LMO2: variants seen among roughly 807,000 people sequenced by gnomAD.
The protein encoded by LMO2 is rhombotin-2.
Under a neutral mutation model 23.2 loss-of-function variants are expected in LMO2, and 20 were observed. That is an observed-to-expected ratio of 0.86 (90% confidence interval 0.61 to 1.25). The LOEUF is 1.25. Among genes scored for constraint, LMO2 ranks in the 50% most tolerant of loss-of-function variants. The probability of loss-of-function intolerance (pLI) is 0.00; values close to 1 mark genes in which losing one functional copy is unlikely to be tolerated. For missense variants in LMO2, 270 were observed against 315.3 expected (o/e 0.86, Z 1.09); for synonymous variants, 123 against 130.2 (o/e 0.94, Z 0.38).
intron 3 of LMO2, 26 bp downstream of exon 3, chr11:33,869,684 G>C (rs1450705702): frequency 7.9e-7 from 1 of 1,262,680 alleles, no homozygotes; most frequent in Non-Finnish European, 1.0e-6. Flanking sequence ...GGCGGCTGCA[G>C]CTGCTGCTGC....
At chr11:33,890,631 C>T (rs920956422) in intron 1 of LMO2, among the ~76,000 whole-genome samples, 4 of 152,138 alleles carry the variant, frequency 2.6e-5, no homozygotes, top group Non-Finnish European at 4.4e-5. Flanking sequence ...AGATTACAGG[C>T]GTTAGCCAAT....
intron 1 of LMO2, among the ~76,000 whole-genome samples, chr11:33,882,096 G>T (rs1419801311): frequency 1.3e-5 from 2 of 152,188 alleles, no homozygotes; most frequent in African/African-American, 4.8e-5. Context: ...GCATCAGGGC[G>T]CAGGGATGGA....
rs1368713606 is a variant in LMO2, at chr11:33,859,385, C to T, written c.655G>A (p.Glu219Lys). The change falls in exon 6 of 6, where the codon GAG becomes AAG. Residue 219 changes from glutamate (E) to lysine (K), a missense_variant. Physicochemically the swap from Glu to Lys is moderately conservative, Grantham distance 56. Around this residue, in one of 2 missense-constraint regions of LMO2, gnomAD observed 100 missense variants for 153.3 expected, o/e 0.65. Coordinates refer to ENST00000257818, the MANE Select transcript of LMO2 (RefSeq NM_005574.4). ...ATCATCCCATTGATCTTAGTCCACTCGTAGATGTCCTGTTCGCACACTATG... is the reference window on the plus strand; with the variant it reads ...ATCATCCCATTGATCTTAGTCCACTTGTAGATGTCCTGTTCGCACACTATG... ...SDIVCEQDIYEWTKINGMI is the reference protein window; with the variant it reads ...SDIVCEQDIYKWTKINGMI The T allele has an allele frequency of 5.0e-6, 8 of 1,614,038 alleles. No homozygotes were observed. Among genetic ancestry groups the T allele is most frequent in the Admixed American group, 1.7e-5 (1 of 60,012 alleles).
At chr11:33,881,012 A>G in intron 2 of LMO2, 1 of 352,494 alleles carries the variant, frequency 2.8e-6, no homozygotes, top group South Asian at 2.1e-5. Flanking sequence ...GCAAAGCCAC[A>G]GCATTAAGGA....
chr11:33,860,691 G>A (rs1856538627), intron 5 of LMO2, among the ~76,000 whole-genome samples: 1 of 152,118 alleles, frequency 6.6e-6, no homozygotes, highest in African/African-American at 2.4e-5. Flanking sequence ...GATGGCTTTA[G>A]CCCGGGAGGT....
intron 1 of LMO2, among the ~76,000 whole-genome samples, chr11:33,882,230 C>T (rs550084137): frequency 3.9e-5 from 6 of 152,226 alleles, no homozygotes; most frequent in Non-Finnish European, 7.4e-5. Context: ...TCCAAATGAA[C>T]AGGACTGGTG....
chr11:33,882,878 C>A (rs1479155355), intron 1 of LMO2, among the ~76,000 whole-genome samples: 1 of 152,070 alleles, frequency 6.6e-6, no homozygotes, highest in African/African-American at 2.4e-5. Flanking sequence ...CTGACTATGC[C>A]CTCACCTCAT....
chr11:33,871,937 G>T (rs983104828), intron 2 of LMO2, among the ~76,000 whole-genome samples: 24 of 152,110 alleles, frequency 1.6e-4, no homozygotes, highest in Non-Finnish European at 3.4e-4. Flanking sequence ...TTGACCAGCT[G>T]TGTCAACCTG....
In LMO2 at chr11:33,880,160, TAC is replaced by T. The variant is rs1247016410; in HGVS notation, c.-272+1662_-272+1663del. Among the ~76,000 whole-genome samples the T allele has an allele frequency of 8.2e-5, 12 of 146,236 alleles. 1 individual carries two copies. Among genetic ancestry groups the T allele is most frequent in the Non-Finnish European group, 1.2e-4 (8 of 65,402 alleles). ...ATACTATTTTATGTGTACATATATA[TAC>T]ATATGATATATACACATGATATATA... On this transcript the variant is annotated intron_variant, in intron 2 of 5. Coordinates refer to ENST00000257818, the MANE Select transcript of LMO2 (RefSeq NM_005574.4). This position sits in a 1 kb window ranked among gnomAD's most constrained non-coding sequence, Gnocchi z 4.3.
intron 5 of LMO2, among the ~76,000 whole-genome samples, chr11:33,863,615 G>C (rs148513983): frequency 1.3e-5 from 2 of 152,298 alleles, no homozygotes; most frequent in African/African-American, 4.8e-5. Context: ...AGATCTGACA[G>C]TAGAGGGCAC....
chr11:33,882,344 CCT>C (rs1857305073), intron 1 of LMO2, among the ~76,000 whole-genome samples: 1 of 152,122 alleles, frequency 6.6e-6, no homozygotes. Flanking sequence ...ATCTCTTATC[CCT>C]CTGAGTCTCA....
At position 33,885,355 on chromosome 11, in the gene LMO2, C is replaced by T. The variant is rs147148607; in HGVS notation, c.-335-3468G>A. Among the ~76,000 whole-genome samples, 8 of 152,228 alleles carry T rather than the reference C, an allele frequency of 5.3e-5. No homozygotes were observed. In the East Asian group the frequency reaches 5.8e-4, roughly 11 times the overall value. On this transcript the variant is annotated intron_variant, in intron 1 of 5. Coordinates refer to ENST00000257818, the MANE Select transcript of LMO2 (RefSeq NM_005574.4). Reference sequence around the variant, plus strand: ...AGATGTATGATCTGGACTCATGAGCCGGGGACCAGACTGGATAACATCTGA... The same window carrying T: ...AGATGTATGATCTGGACTCATGAGCTGGGGACCAGACTGGATAACATCTGA...
chr11:33,889,038 G>C (rs1362449366), intron 1 of LMO2, among the ~76,000 whole-genome samples: 2 of 152,174 alleles, frequency 1.3e-5, no homozygotes, highest in African/African-American at 4.8e-5. Context: ...CCCTCGAGGA[G>C]TCTTGGATCT....
In LMO2 at chr11:33,864,909, A is replaced by C; in HGVS notation, c.249-92T>G. The C allele has an allele frequency of 6.8e-5, 77 of 1,124,286 alleles. No homozygotes were observed. Among genetic ancestry groups the C allele is most frequent in the Non-Finnish European group, 9.1e-5 (68 of 751,112 alleles). 69.6% of individuals were successfully genotyped at this position (1,124,286 alleles called of 1,614,324 possible). A position where few individuals can be genotyped will look rare whatever the true frequency, so the allele number is the denominator to read the frequency against. ...CGTTTTGGGCCAGACAGGGCATCTC[A>C]CCTGACTGCCTTTCAGTGACCTAAG... On this transcript the variant is annotated intron_variant, in intron 4 of 5. Coordinates refer to ENST00000257818, the MANE Select transcript of LMO2 (RefSeq NM_005574.4). This position sits in a 1 kb window ranked among gnomAD's most constrained non-coding sequence, Gnocchi z 4.8.
Position 33,888,878 on chromosome 11 carries a change from G to A in LMO2, c.-336+2917C>T, listed in dbSNP as rs550143071. Among the ~76,000 whole-genome samples, 8 of 152,294 alleles carry A rather than the reference G, an allele frequency of 5.3e-5. No individual in the cohort carries two copies. The South Asian group carries it at 1.5e-3, about 28-fold the overall frequency. On this transcript the variant is annotated intron_variant, in intron 1 of 5. Transcript: ENST00000257818. Reference sequence around the variant, plus strand: ...GTAAACACTTGCTGAGTGGATGAATGAAGTGTGTATTATCATCCTGATTCA... The same window carrying A: ...GTAAACACTTGCTGAGTGGATGAATAAAGTGTGTATTATCATCCTGATTCA...
At chr11:33,867,718 C>A (rs111874830) in intron 4 of LMO2, among the ~76,000 whole-genome samples, 1 of 152,166 alleles carries the variant, frequency 6.6e-6, no homozygotes, top group Non-Finnish European at 1.5e-5. Flanking sequence ...CAGTAGATAT[C>A]TGTTGTATTA....
chr11:33,876,968 G>A, intron 2 of LMO2, among the ~76,000 whole-genome samples: 1 of 152,240 alleles, frequency 6.6e-6, no homozygotes, highest in East Asian at 1.9e-4. Context: ...ATGGATGGCA[G>A]CTATTATTAG....
At position 33,869,839 on chromosome 11, in the gene LMO2, G is replaced by A. The variant is rs931205489; in HGVS notation, c.-123C>T. 1.4e-4 allele frequency: 149 copies of A among 1,065,460 alleles called. No homozygotes were observed. Among genetic ancestry groups the A allele is most frequent in the Middle Eastern group, 4.2e-4 (1 of 2,370 alleles). 66.0% of individuals were successfully genotyped at this position (1,065,460 alleles called of 1,614,324 possible). On this transcript the variant is annotated 5_prime_UTR_variant, in exon 3 of 6. Coordinates refer to ENST00000257818, the MANE Select transcript of LMO2 (RefSeq NM_005574.4). ...GCCCCTCGCACCTTCGGCCCGGGTCGCGGCGCGCTGCTCGCCGCCGAGGGC... is the reference window on the plus strand; with the variant it reads ...GCCCCTCGCACCTTCGGCCCGGGTCACGGCGCGCTGCTCGCCGCCGAGGGC...
At chr11:33,867,912 T>C (rs1856845343) in intron 4 of LMO2, among the ~76,000 whole-genome samples, 1 of 152,238 alleles carries the variant, frequency 6.6e-6, no homozygotes. Flanking sequence ...ATTGTGTTAC[T>C]ATGATCTTGC....
Sources: allele counts gnomAD v4.1 joint callset (sites outside exome capture counted in the v4.1 genomes callset), GRCh38; gene constraint gnomAD v4.1.1; regional missense constraint gnomAD v4.1.1; non-coding constraint Gnocchi (gnomAD v3.1); transcripts MANE v1.5; gene names NCBI Gene and HGNC (gene_info 2026-07-23, HGNC 2026-07-21).